The following LINC01488 variants were observed in gnomAD, a reference collection of about 807,000 sequenced individuals.
The protein encoded by LINC01488 is CCND1-upstream intergenic DNA repair 1.
intron 1 of LINC01488, among the ~76,000 whole-genome samples, chr11:69,487,600 G>A (rs546500020): frequency 2.2e-3 from 332 of 152,292 alleles, no homozygotes; most frequent in Middle Eastern, 6.8e-3. Context: ...CGGTCATGGC[G>A]CTGGGCCTCC....
At chr11:69,483,995 C>T (rs1487557284) in intron 1 of LINC01488, among the ~76,000 whole-genome samples, 2 of 152,202 alleles carry the variant, frequency 1.3e-5, no homozygotes, top group East Asian at 1.9e-4. Flanking sequence ...GGGTGATGCC[C>T]GACTCACTCC....
intron 1 of LINC01488, among the ~76,000 whole-genome samples, chr11:69,486,770 G>T (rs968960628): frequency 7.2e-5 from 11 of 152,150 alleles, no homozygotes; most frequent in African/African-American, 2.4e-4. Flanking sequence ...GGGTGGCAGG[G>T]CTGGGGCTCT....
intron 1 of LINC01488, among the ~76,000 whole-genome samples, chr11:69,484,395 A>G (rs1670520342): frequency 6.6e-6 from 1 of 152,134 alleles, no homozygotes; most frequent in Non-Finnish European, 1.5e-5. Flanking sequence ...GTGGGCCCAG[A>G]GCCCCATGCA....
At chr11:69,491,016 C>T (rs541110971) in intron 2 of LINC01488, 1 of 152,318 alleles carries the variant, frequency 6.6e-6, no homozygotes, top group South Asian at 2.1e-4. Context: ...TTTTTATCCA[C>T]TTTTTCTGAG....
At chr11:69,483,719 G>C (rs1017104900) in intron 1 of LINC01488, among the ~76,000 whole-genome samples, 5 of 152,212 alleles carry the variant, frequency 3.3e-5, no homozygotes, top group Non-Finnish European at 7.3e-5. Flanking sequence ...ATGCATATGA[G>C]AGAGAAATGC....
chr11:69,482,902 T>C (rs1022883056), intron 1 of LINC01488, among the ~76,000 whole-genome samples: 3 of 152,226 alleles, frequency 2.0e-5, no homozygotes, highest in Non-Finnish European at 4.4e-5. Context: ...GTCCGTATCC[T>C]AATCTTATGA....
At chr11:69,481,903 ATGGATGAGTGGATGGT>A (rs1358569152) in intron 1 of LINC01488, 1 of 152,052 alleles carries the variant, frequency 6.6e-6, no homozygotes, top group African/African-American at 2.4e-5. Context: ...GGGTGGATGG[ATGGATGAGTGGATGGT>A]TGGATGAGTG....
chr11:69,489,257 C>T (rs1276456409), intron 1 of LINC01488, among the ~76,000 whole-genome samples: 1 of 152,088 alleles, frequency 6.6e-6, no homozygotes, highest in East Asian at 1.9e-4. Context: ...ACCCCGGGCA[C>T]CTGCTCCCCA....
At chr11:69,492,073 T>C (rs1857231645) in intron 3 of LINC01488, 1 of 152,228 alleles carries the variant, frequency 6.6e-6, no homozygotes, top group African/African-American at 2.4e-5. Flanking sequence ...CAGGAACTAA[T>C]GGGAGGCTTG....
intron 1 of LINC01488, among the ~76,000 whole-genome samples, chr11:69,486,918 C>G (rs1418142200): frequency 1.3e-5 from 2 of 152,206 alleles, no homozygotes; most frequent in East Asian, 3.9e-4. Context: ...TCTGAACCAC[C>G]ACATTCCTGA....
intron 1 of LINC01488, among the ~76,000 whole-genome samples, chr11:69,484,557 A>G (rs1214762308): frequency 6.6e-6 from 1 of 152,218 alleles, no homozygotes; most frequent in Non-Finnish European, 1.5e-5. Context: ...ACACCTCACA[A>G]AGGCACAGCT....
rs17136592 is a variant in LINC01488 at position 69,488,382 on chromosome 11, C to T, written n.123-2113C>T. 1,324 of 152,488 alleles carry T rather than the reference C, an allele frequency of 8.7e-3. 29 individuals carry two copies. The highest frequency in any genetic ancestry group is 0.031 in the African/African-American group (1,269 of 41,598). The allele number at this position is 152,488 out of a possible 1,614,324, so 9.4% of individuals were successfully genotyped here. A position where few individuals can be genotyped will look rare whatever the true frequency, so the allele number is the denominator to read the frequency against. On this transcript the variant is annotated intron_variant and non_coding_transcript_variant, in intron 1 of 3. Coordinates refer to ENST00000644563, the Ensembl canonical transcript of LINC01488. ...GGTTTCTGGCCAACGAGCAACGGAG[C>T]CGTTTTGACGCCCAGGTCTGGCCTT...
intron 1 of LINC01488, among the ~76,000 whole-genome samples, chr11:69,488,483 C>T (rs1193088926): frequency 1.3e-5 from 2 of 152,210 alleles, no homozygotes; most frequent in South Asian, 2.1e-4. Context: ...TCTGAGCCCC[C>T]GAGGTGGGCA....
intron 2 of LINC01488, chr11:69,490,963 T>C (rs1729267143): frequency 6.6e-6 from 1 of 151,666 alleles, no homozygotes; most frequent in African/African-American, 2.4e-5. Flanking sequence ...CTGGAATTCA[T>C]TCATTTATCA....
intron 3 of LINC01488, chr11:69,491,583 A>T (rs1857220758): frequency 6.6e-6 from 1 of 152,360 alleles, no homozygotes; most frequent in East Asian, 1.9e-4. Flanking sequence ...TGCCTGAACC[A>T]GCCCTGGGCC....
rs1283882660 is a variant in LINC01488 at position 69,486,524 on chromosome 11, G to A, written n.123-3971G>A. On this transcript the variant is annotated intron_variant and non_coding_transcript_variant, in intron 1 of 3. Transcript: ENST00000644563. ...GCAAGGGGCCCGTGGGCCCAGGAAC[G>A]CTCAGAACTGAGCTTGCTCCAGAGA... Among the ~76,000 whole-genome samples, 6 of 152,348 alleles carry A rather than the reference G, an allele frequency of 3.9e-5. 1 individual carries two copies. The East Asian group carries it at 9.7e-4, about 25-fold the overall frequency.
At chr11:69,490,848 C>T (rs1857208455) in intron 2 of LINC01488, 1 of 152,324 alleles carries the variant, frequency 6.6e-6, no homozygotes, top group Admixed American at 6.5e-5. Flanking sequence ...ACCTCCCTTT[C>T]CAGACTCTGC....
At chr11:69,482,526 G>A (rs539954770) in intron 1 of LINC01488, among the ~76,000 whole-genome samples, 2 of 152,156 alleles carry the variant, frequency 1.3e-5, no homozygotes, top group East Asian at 3.9e-4. Context: ...ACGGATGGAT[G>A]AATGGATGGA....
At chr11:69,488,384 G>A (rs546964205) in intron 1 of LINC01488, 27 of 152,490 alleles carry the variant, frequency 1.8e-4, no homozygotes, top group Non-Finnish European at 2.5e-4. Flanking sequence ...CAACGGAGCC[G>A]TTTTGACGCC....
Sources: allele counts gnomAD v4.1 joint callset (sites outside exome capture counted in the v4.1 genomes callset), GRCh38; gene constraint gnomAD v4.1.1; transcripts MANE v1.5; gene names NCBI Gene and HGNC (gene_info 2026-07-23, HGNC 2026-07-21).